Variants in PKD1 observed in about 807,000 individuals in gnomAD.
PKD1 encodes polycystin 1, transient receptor potential channel interacting, also known as polycystin-1.
In PKD1, 81 loss-of-function variants were observed where a neutral mutation model predicts 361.7. The ratio of observed to expected loss-of-function variants is 0.22; its 90% confidence interval spans 0.19 to 0.27. The LOEUF (loss-of-function observed/expected upper bound fraction) is 0.27. PKD1 is among the 10% of genes least tolerant of loss of function. The pLI, the probability that PKD1 is intolerant of heterozygous loss-of-function variation, is 1.00. For synonymous variants in PKD1, 3,615 were observed against 2,818.3 expected, an observed-to-expected ratio of 1.28 and a Z score of -8.95; for missense variants, 6,399 against 6,118.3, an observed-to-expected ratio of 1.05 and a Z score of -1.53.
Position 2,110,024 on chromosome 16 carries a change from C to A in PKD1, c.5143G>T (p.Val1715Leu). Residue 1715 changes from valine to leucine, a missense_variant, in exon 15 of 46, where the codon GTG (valine) becomes TTG (leucine). By Grantham distance (32) the Val-to-Leu change is conservative (BLOSUM62 1). Transcript: ENST00000262304. The part of the protein sequence containing the change: ...SAWADCTMDF[V>L]EPVGWLMVAA... ...ACCATCAGCCACCCCACAGGCTCCA[C>A]GAAGTCCATGGTGCAGTCGGCCCAG... 1 of 1,610,502 alleles carries A rather than the reference C, an allele frequency of 6.2e-7. No individual in the cohort carries two copies. Among genetic ancestry groups the A allele is most frequent in the Non-Finnish European group, 8.5e-7 (1 of 1,179,668 alleles).
chr16:2,097,024 G>A (rs985460347), intron 34 of PKD1, 124 bp downstream of exon 34: 2 of 701,168 alleles, frequency 2.9e-6, no homozygotes, highest in African/African-American at 3.5e-5. Context: ...AAGTGAAGTG[G>A]TGCAGCCACA....
rs771907907 is a variant in PKD1, at chr16:2,097,204, G to A, written c.10443C>T (p.Val3481=). 6 of 1,567,932 alleles carry A rather than the reference G, an allele frequency of 3.8e-6. No homozygotes were observed. Among genetic ancestry groups the A allele is most frequent in the East Asian group, 4.7e-5 (2 of 42,232 alleles). The part of the protein sequence containing the change: ...DLIQQVLAEG[V]SSPAPTQDTH... ...TGTCTTGGGTAGGGGCTGGGCTGCT[G>A]ACCCCCTCGGCAAGGACCTGCTGGA... is the stretch of plus-strand genomic sequence containing the variant. The change falls in exon 34 of 46, where the codon GTC becomes GTT. Residue 3481 remains valine, a synonymous_variant. Coordinates refer to ENST00000262304, the MANE Select transcript of PKD1 (RefSeq NM_001009944.3).
intron 35 of PKD1, 36 bp downstream of exon 35, chr16:2,094,056 A>AG (rs747160439): frequency 9.5e-6 from 15 of 1,585,034 alleles, no homozygotes; most frequent in Middle Eastern, 1.7e-4. Context: ...GCTCACAGGG[A>AG]GGGGCTAGGG....
At chr16:2,113,109 C>CCCCCG (rs1567207549) in intron 12 of PKD1, 52 bp downstream of exon 12, 1 of 525,256 alleles carries the variant, frequency 1.9e-6, no homozygotes, top group Non-Finnish European at 3.5e-6. Context: ...GTGGAGCCCG[C>CCCCCG]CCCCGCCCTG....
At chr16:2,122,483 G>A (rs182256874) in intron 1 of PKD1, among the ~76,000 whole-genome samples, 1 of 152,320 alleles carries the variant, frequency 6.6e-6, no homozygotes, top group East Asian at 1.9e-4. Flanking sequence ...ACGGGCTGAG[G>A]TGCTCCCCAC....
At position 2,106,349 on chromosome 16, in the gene PKD1, C is replaced by G. The variant is rs767693351; in HGVS notation, c.7490-45G>C. 3 of 1,604,082 alleles carry G rather than the reference C, an allele frequency of 1.9e-6. No homozygotes were observed. In the South Asian group the frequency reaches 3.3e-5, roughly 18 times the overall value. On this transcript the variant is annotated intron_variant, in intron 18 of 45. Coordinates refer to ENST00000262304, the MANE Select transcript of PKD1 (RefSeq NM_001009944.3). The surrounding 1 kb of genome is among the most constrained non-coding windows in gnomAD (Gnocchi z 6.5). The stretch of plus-strand genomic sequence containing the variant: ...GCATCACGGGAGGGCTCCGTGACGT[C>G]ACAGAGTCGGGGGATCCCGCTGCTC...
At position 2,097,412 on chromosome 16, in the gene PKD1, C is replaced by T. The variant is rs1344032673; in HGVS notation, c.10312G>A (p.Ala3438Thr). ...AGCCCATGGCCCGCCTGGCCCCGTGCCAGCTGCCGCAGATTGCTACCCACA... is the reference window on the plus strand; with the variant it reads ...AGCCCATGGCCCGCCTGGCCCCGTGTCAGCTGCCGCAGATTGCTACCCACA... ...SIVGSNLRQL[A>T]RGQAGHGLGP... Residue 3438 changes from alanine to threonine, a missense_variant, in exon 33 of 46, where the codon GCA becomes ACA. Transcript: ENST00000262304. The T allele has an allele frequency of 1.2e-6, 2 of 1,609,396 alleles. No individual in the cohort carries two copies. The highest frequency in any genetic ancestry group is 1.7e-5 in the Admixed American group (1 of 60,002).
intron 13 of PKD1, 32 bp from the exon 14 acceptor site, chr16:2,112,505 C>G (rs559374455): frequency 5.2e-5 from 80 of 1,544,434 alleles, no homozygotes; most frequent in Non-Finnish European, 6.4e-5. Context: ...GTGAGTGAAC[C>G]GGGACAGGGG....
At position 2,109,166 on chromosome 16, in the gene PKD1, G is replaced by A. The variant is rs773069152; in HGVS notation, c.6001C>T (p.Arg2001Trp). The change falls in exon 15 of 46, where the codon CGG becomes TGG. Residue 2001 changes from arginine to tryptophan, a missense_variant. By Grantham distance (101) the Arg-to-Trp change is moderately radical. Coordinates refer to ENST00000262304, the MANE Select transcript of PKD1 (RefSeq NM_001009944.3). The stretch of plus-strand genomic sequence containing the variant: ...GAGAAGTACCAGGCGTAGGCGACCC[G>A]AGAGCCGCGCTGCACGCGGGCTGTG... ...NFTARVQRGS[R>W]VAYAWYFSLQ... 2.6e-5 allele frequency: 41 copies of A among 1,600,436 alleles called. No homozygotes were observed. Among genetic ancestry groups the A allele is most frequent in the East Asian group, 6.7e-5 (3 of 44,616 alleles).
At position 2,088,783 on chromosome 16, in the gene PKD1, G is replaced by T. The variant is rs554255347; in HGVS notation, c.*944C>A. ...GGGGGGGTGTCGAGGCTCTAGAAGC[G>T]GCCATGCCCACAGAAGTGGTACACA... is the stretch of plus-strand genomic sequence containing the variant. On this transcript the variant is annotated 3_prime_UTR_variant, in exon 46 of 46. Transcript: ENST00000262304. 2.2e-6 allele frequency: 2 copies of T among 889,270 alleles called. No individual in the cohort carries two copies. The highest frequency in any genetic ancestry group is 3.3e-6 in the Non-Finnish European group (2 of 597,100). The allele number at this position is 889,270 out of a possible 1,614,324, so 55.1% of individuals were successfully genotyped here.
Position 2,132,203 on chromosome 16 carries a change from T to C in PKD1, c.215+3272A>G, listed in dbSNP as rs189272979. Among the ~76,000 whole-genome samples the C allele has an allele frequency of 3.5e-3, 523 of 147,846 alleles. 1 individual carries two copies. Among genetic ancestry groups the C allele is most frequent in the African/African-American group, 0.013 (504 of 39,736 alleles). On this transcript the variant is annotated intron_variant, in intron 1 of 45. Coordinates refer to ENST00000262304, the MANE Select transcript of PKD1 (RefSeq NM_001009944.3). Reference sequence around the variant, plus strand: ...AGGCGGAGGTTGCCGTGAGGTGAGATCGCGCCACTGCACTCCAGCCTGGGC... The same window carrying C: ...AGGCGGAGGTTGCCGTGAGGTGAGACCGCGCCACTGCACTCCAGCCTGGGC...
chr16:2,103,097 G>C (rs939764447), intron 23 of PKD1, 127 bp from the exon 24 acceptor site: 2 of 1,267,526 alleles, frequency 1.6e-6, no homozygotes, highest in Non-Finnish European at 2.2e-6. Flanking sequence ...CTGCACCAGA[G>C]CTGGCACCTG....
At position 2,105,315 on chromosome 16, in the gene PKD1, A is replaced by C; in HGVS notation, c.8016+7T>G. The C allele has an allele frequency of 6.3e-7, 1 of 1,594,272 alleles. No homozygotes were observed. The highest frequency in any genetic ancestry group is 8.5e-7 in the Non-Finnish European group (1 of 1,178,536). ...CGGGGCAGGGTGAGCAGGTGGGGCC[A>C]TCCTACCATGCACTGGGCCAGCGCA... is the stretch of plus-strand genomic sequence containing the variant. On this transcript the variant is annotated splice_region_variant and intron_variant, in intron 21 of 45. Coordinates refer to ENST00000262304, the MANE Select transcript of PKD1 (RefSeq NM_001009944.3).
Position 2,088,861 on chromosome 16 carries a change from ACACTCGCGCGTG to A in PKD1, c.*854_*865del, listed in dbSNP as rs1418488339. 32 of 552,060 alleles carry A rather than the reference ACACTCGCGCGTG, an allele frequency of 5.8e-5. No homozygotes were observed. The highest frequency in any genetic ancestry group is 9.6e-5 in the Non-Finnish European group (30 of 311,834). The allele number at this position is 552,060 out of a possible 1,614,324, so 34.2% of individuals were successfully genotyped here. A position where few individuals can be genotyped will look rare whatever the true frequency, so the allele number is the denominator to read the frequency against. Reference sequence around the variant, plus strand: ...CTTGAGGCTGCCTGGGCCATACAGCACACTCGCGCGTGCGCGCGCGCACACACACACACACAC... The same window carrying A: ...CTTGAGGCTGCCTGGGCCATACAGCACGCGCGCGCACACACACACACACAC... On this transcript the variant is annotated 3_prime_UTR_variant, in exon 46 of 46. Coordinates refer to ENST00000262304, the MANE Select transcript of PKD1 (RefSeq NM_001009944.3).
At chr16:2,099,446 A>G (rs1314151680) in intron 30 of PKD1, 198 bp downstream of exon 30, 1 of 683,372 alleles carries the variant, frequency 1.5e-6, no homozygotes, top group Non-Finnish European at 2.6e-6. Flanking sequence ...TCGTTCTTTC[A>G]CCATTCTGGC....
At chr16:2,116,289 G>C (rs570478229) in intron 8 of PKD1, 171 bp from the exon 9 acceptor site, 2 of 747,888 alleles carry the variant, frequency 2.7e-6, no homozygotes, top group Admixed American at 2.1e-5. Flanking sequence ...AACTGTCCAT[G>C]GGGGGCAGGA....
rs1567142667 is a variant in PKD1, at chr16:2,089,766, G to A, written c.12873C>T (p.Pro4291=). 2 of 1,595,862 alleles carry A rather than the reference G, an allele frequency of 1.3e-6. No individual in the cohort carries two copies. Among genetic ancestry groups the A allele is most frequent in the East Asian group, 2.3e-5 (1 of 44,274 alleles). Residue 4291 remains proline (P), a synonymous_variant, in exon 46 of 46, where the codon CCC becomes CCT. Transcript: ENST00000262304. The part of the protein sequence containing the change: ...VDLATGPSRT[P]LRAKNKVHPS... ...GGTGGACCTTGTTCTTGGCCCGAAG[G>A]GGTGTCCTGCTGGGGCCAGTGGCCA...
In PKD1 at chr16:2,112,855, A is replaced by T; in HGVS notation, c.3094T>A (p.Ser1032Thr). The part of the protein sequence containing the change: ...LQVSTVPAVL[S>T]PNATLALTAG... ...GTCAGTGCTAGCGTGGCATTGGGGG[A>T]CAGCACGGCCGGCACTGTGGAGACC... is the stretch of plus-strand genomic sequence containing the variant. Residue 1032 changes from serine (S) to threonine (T), a missense_variant, in exon 13 of 46, where the codon TCC (serine) becomes ACC (threonine). Coordinates refer to ENST00000262304, the MANE Select transcript of PKD1 (RefSeq NM_001009944.3). 6.2e-7 allele frequency: 1 copy of T among 1,605,612 alleles called. No individual in the cohort carries two copies. Among genetic ancestry groups the T allele is most frequent in the East Asian group, 2.2e-5 (1 of 44,878 alleles).
intron 1 of PKD1, among the ~76,000 whole-genome samples, chr16:2,133,427 G>A (rs1049130993): frequency 1.4e-5 from 2 of 147,196 alleles, no homozygotes; most frequent in Admixed American, 6.7e-5. Context: ...GGCTACTGGT[G>A]ACACCCAGAC....
Sources: gnomAD v4.1 joint callset for allele counts (sites outside exome capture counted in the v4.1 genomes callset) on GRCh38, gnomAD v4.1.1 for gene constraint, Gnocchi (gnomAD v3.1) non-coding constraint, MANE v1.5 for transcripts, NCBI Gene and HGNC (gene_info 2026-07-23, HGNC 2026-07-21) for gene names.